Variants in MRPL32 observed in about 807,000 individuals in gnomAD.
MRPL32 encodes the protein large ribosomal subunit protein bL32m.
MRPL32 carries 14 observed loss-of-function variants against 21.7 expected under a neutral mutation model. The ratio of observed to expected loss-of-function variants is 0.64; its 90% CI spans 0.43 to 1.01. The LOEUF is 1.01. Ranked by LOEUF, MRPL32 falls within the 50% of genes least tolerant of loss-of-function variation. The pLI is 0.00. For missense variants in MRPL32, 211 were observed against 235.9 expected, an observed-to-expected ratio of 0.89 and a Z score of 0.69; for synonymous variants, 83 against 87.7, an observed-to-expected ratio of 0.95 and a Z score of 0.30.
chr7:42,933,980 G>A (rs1417725604), intron 1 of MRPL32, among the ~76,000 whole-genome samples: 1 of 152,178 alleles, frequency 6.6e-6, no homozygotes, highest in African/African-American at 2.4e-5. Context: ...ATCAAAAGAA[G>A]TATGTGGGCT....
Position 42,937,688 on chromosome 7 carries a change from T to C in MRPL32, c.*112T>C. Reference sequence around the variant, plus strand: ...AAATCATCAGTATAGTTTAACACATTCTTTCTAAGCAGTTTTGTGTGGGAT... The same window carrying C: ...AAATCATCAGTATAGTTTAACACATCCTTTCTAAGCAGTTTTGTGTGGGAT... On this transcript the variant is annotated 3_prime_UTR_variant, in exon 3 of 3. Coordinates refer to ENST00000223324, the MANE Select transcript of MRPL32 (RefSeq NM_031903.3). 8.6e-7 allele frequency: 1 copy of C among 1,158,282 alleles called. No homozygotes were observed. Among genetic ancestry groups the C allele is most frequent in the Non-Finnish European group, 1.2e-6 (1 of 847,428 alleles). The allele number at this position is 1,158,282 out of a possible 1,614,324, so 71.8% of individuals were successfully genotyped here. A position where few individuals can be genotyped will look rare whatever the true frequency, so the allele number is the denominator to read the frequency against.
At position 42,935,064 on chromosome 7, in the gene MRPL32, T is replaced by G. The variant is rs781682376; in HGVS notation, c.240T>G (p.Ala80=). ...SLLDSIFWMA[A]PKNRRTIEVN... is the part of the protein sequence containing the mutation. ...TGGACAGTATCTTTTGGATGGCAGCTCCCAAAAATAGACGCACCATTGAAG... is the reference window on the plus strand; with the variant it reads ...TGGACAGTATCTTTTGGATGGCAGCGCCCAAAAATAGACGCACCATTGAAG... Residue 80 remains alanine (A), a synonymous_variant, in exon 2 of 3, where the codon GCT becomes GCG. Coordinates refer to ENST00000223324, the MANE Select transcript of MRPL32 (RefSeq NM_031903.3). 1 of 1,614,084 alleles carries G rather than the reference T, an allele frequency of 6.2e-7. No individual in the cohort carries two copies. Among genetic ancestry groups the G allele is most frequent in the Non-Finnish European group, 8.5e-7 (1 of 1,179,986 alleles).
chr7:42,936,938 CT>C, intron 2 of MRPL32: 1 of 340,144 alleles, frequency 2.9e-6, no homozygotes, highest in Non-Finnish European at 5.8e-6. Flanking sequence ...AGGGAATTCA[CT>C]TTTCCTTGGT....
intron 2 of MRPL32, 110 bp downstream of exon 2, chr7:42,935,246 A>C (rs1203101569): frequency 1.1e-6 from 1 of 905,460 alleles, no homozygotes; most frequent in African/African-American, 1.7e-5. Context: ...ATATGTGTCT[A>C]CTTTCCTCTG....
intron 1 of MRPL32, among the ~76,000 whole-genome samples, chr7:42,934,604 C>T (rs527513310): frequency 1.2e-4 from 19 of 152,162 alleles, no homozygotes; most frequent in Non-Finnish European, 2.2e-4. Flanking sequence ...ACTTACTACC[C>T]GCCAAGTATT....
Position 42,935,095 on chromosome 7 carries a change from C to T in MRPL32, c.271C>T (p.Arg91Trp), listed in dbSNP as rs139135106. 621 of 1,613,648 alleles carry T rather than the reference C, an allele frequency of 3.8e-4. No individual in the cohort carries two copies. Among genetic ancestry groups the T allele is most frequent in the Non-Finnish European group, 5.0e-4 (585 of 1,179,928 alleles). Residue 91 changes from arginine to tryptophan, a missense_variant, in exon 2 of 3, where the codon CGG becomes TGG. Transcript: ENST00000223324. ...PKNRRTIEVNRCRRRNPQKLI... is the reference protein window; with the variant it reads ...PKNRRTIEVNWCRRRNPQKLI... Reference sequence around the variant, plus strand: ...AAATAGACGCACCATTGAAGTTAACCGGTGTAGGAGAAGAAATCCGCAGAA... The same window carrying T: ...AAATAGACGCACCATTGAAGTTAACTGGTGTAGGAGAAGAAATCCGCAGAA...
chr7:42,936,924 A>C (rs1786435848), intron 2 of MRPL32: 1 of 339,802 alleles, frequency 2.9e-6, no homozygotes, highest in Non-Finnish European at 5.8e-6. Context: ...AGATTGAAAG[A>C]CAAAGGGAAT....
intron 2 of MRPL32, chr7:42,935,881 T>C (rs1786415312): frequency 1.3e-5 from 2 of 152,222 alleles, no homozygotes; most frequent in South Asian, 2.1e-4. Context: ...AACATGGATG[T>C]ACTGTCTTCA....
chr7:42,932,540 G>C, intron 1 of MRPL32, 24 bp downstream of exon 1: 2 of 1,578,372 alleles, frequency 1.3e-6, no homozygotes. Flanking sequence ...GGCTCCGTGG[G>C]AGAGGGGGCT....
intron 1 of MRPL32, 25 bp downstream of exon 1, chr7:42,932,541 A>G (rs1441894308): frequency 6.3e-7 from 1 of 1,577,148 alleles, no homozygotes; most frequent in South Asian, 1.1e-5. Context: ...GCTCCGTGGG[A>G]GAGGGGGCTG....
chr7:42,934,605 G>T (rs557290713), intron 1 of MRPL32, among the ~76,000 whole-genome samples: 1 of 152,124 alleles, frequency 6.6e-6, no homozygotes, highest in Non-Finnish European at 1.5e-5. Context: ...CTTACTACCC[G>T]CCAAGTATTA....
In MRPL32 at chr7:42,937,731, A is replaced by G; in HGVS notation, c.*155A>G. ...TGTGGGATAATTTGAAGAATATATT[A>G]TGAGTAAACTCCGAAAATTTTGTTT... On this transcript the variant is annotated 3_prime_UTR_variant, in exon 3 of 3. Coordinates refer to ENST00000223324, the MANE Select transcript of MRPL32 (RefSeq NM_031903.3). 1.3e-6 allele frequency: 1 copy of G among 774,902 alleles called. No homozygotes were observed. The highest frequency in any genetic ancestry group is 1.9e-6 in the Non-Finnish European group (1 of 531,428). 48.0% of individuals were successfully genotyped at this position (774,902 alleles called of 1,614,324 possible).
chr7:42,937,424 C>G lies in MRPL32; in HGVS notation c.415C>G (p.Arg139Gly), dbSNP rs764122226. The G allele has an allele frequency of 6.2e-7, 1 of 1,614,064 alleles. No individual in the cohort carries two copies. The highest frequency in any genetic ancestry group is 1.7e-5 in the Admixed American group (1 of 60,004). The change falls in exon 3 of 3, where the codon CGA (arginine) becomes GGA (glycine). Residue 139 changes from arginine to glycine, a missense_variant. By Grantham distance (125) the Arg-to-Gly change is moderately radical. Coordinates refer to ENST00000223324, the MANE Select transcript of MRPL32 (RefSeq NM_031903.3). Reference sequence around the variant, plus strand: ...GTGCAAGGAGACTGCAGAAATCAGACGACAGATAGGGAAGCAAGAAGGGGG... The same window carrying G: ...GTGCAAGGAGACTGCAGAAATCAGAGGACAGATAGGGAAGCAAGAAGGGGG... ...KVCKETAEIR[R>G]QIGKQEGGPF...
At chr7:42,932,615 G>C in intron 1 of MRPL32, 99 bp downstream of exon 1, 1 of 1,333,682 alleles carries the variant, frequency 7.5e-7, no homozygotes, top group Non-Finnish European at 9.9e-7. Flanking sequence ...CCCCGGTTCT[G>C]ATCCGCGGCC....
intron 2 of MRPL32, 142 bp downstream of exon 2, chr7:42,935,278 C>A (rs1466205743): frequency 2.9e-6 from 2 of 678,890 alleles, no homozygotes; most frequent in African/African-American, 3.6e-5. Flanking sequence ...ATACAGTATT[C>A]TCATTATATA....
At chr7:42,934,932 A>G (rs77169824) in intron 1 of MRPL32, 23 bp from the exon 2 acceptor site, 32 of 1,513,882 alleles carry the variant, frequency 2.1e-5, no homozygotes, top group African/African-American at 5.6e-5. Context: ...CTAATTCTGT[A>G]TCTCTTATGT....
chr7:42,932,914 T>G (rs1218762092), intron 1 of MRPL32, among the ~76,000 whole-genome samples: 1 of 150,872 alleles, frequency 6.6e-6, no homozygotes, highest in Non-Finnish European at 1.5e-5. Context: ...GAGGCGGGAG[T>G]GTAGGGGCTC....
intron 1 of MRPL32, among the ~76,000 whole-genome samples, chr7:42,933,078 G>A (rs1388199638): frequency 6.6e-6 from 1 of 152,152 alleles, no homozygotes; most frequent in Non-Finnish European, 1.5e-5. Flanking sequence ...GATTTCGAAG[G>A]AATGGCTCTC....
At chr7:42,934,429 A>C (rs1487634168) in intron 1 of MRPL32, among the ~76,000 whole-genome samples, 3 of 152,340 alleles carry the variant, frequency 2.0e-5, no homozygotes, top group Admixed American at 2.0e-4. Flanking sequence ...GAGAGCAGAC[A>C]GGAATCAAGA....
Sources: allele counts gnomAD v4.1 joint callset (sites outside exome capture counted in the v4.1 genomes callset), GRCh38; gene constraint gnomAD v4.1.1; transcripts MANE v1.5; gene names NCBI Gene and HGNC (gene_info 2026-07-23, HGNC 2026-07-21).